Variants in POC1B observed in about 807,000 individuals in gnomAD.
POC1B encodes the protein POC1 centriolar protein homolog B.
In POC1B, 44 loss-of-function variants were observed where a neutral mutation model predicts 60.6. That is an observed-to-expected ratio of 0.73 (90% CI 0.57 to 0.93). The LOEUF is 0.93. Among genes scored for constraint, POC1B ranks in the 40% least tolerant of loss-of-function variants. The pLI, the probability that POC1B is intolerant of heterozygous loss-of-function variation, is 0.00. For synonymous variants in POC1B, 180 were observed against 198.9 expected (o/e 0.90, Z 0.80); for missense variants, 555 against 572.3 (o/e 0.97, Z 0.31).
Position 89,524,488 on chromosome 12 carries a change from G to A in POC1B, c.100+632C>T, listed in dbSNP as rs200087000. The stretch of plus-strand genomic sequence containing the variant: ...GACCAAGAGCTCCACGAAGATATAG[G>A]CCACTGTTAAAAACGCCAGCAGCAG... On this transcript the variant is annotated intron_variant, in intron 2 of 11. Transcript: ENST00000313546. 7.9e-4 allele frequency: 1,278 copies of A among 1,613,240 alleles called. 2 individuals are homozygous for A. Among genetic ancestry groups the A allele is most frequent in the South Asian group, 3.0e-3 (271 of 91,054 alleles).
chr12:89,502,173 T>A, intron 2 of POC1B: 2 of 1,145,532 alleles, frequency 1.7e-6, no homozygotes, highest in Non-Finnish European at 2.6e-6. Flanking sequence ...CCAGGCTCAA[T>A]AATAATTATT....
At chr12:89,516,182 T>C (rs1396844124) in intron 2 of POC1B, among the ~76,000 whole-genome samples, 3 of 152,184 alleles carry the variant, frequency 2.0e-5, no homozygotes, top group Non-Finnish European at 4.4e-5. Flanking sequence ...CTCCTAACCC[T>C]TGGCTTTCAT....
chr12:89,406,601 A>C, the POC1B span, among the ~76,000 whole-genome samples: 2 of 152,096 alleles, frequency 1.3e-5, no homozygotes, highest in African/African-American at 4.8e-5. Context: ...CATTTCCTCA[A>C]AATAAATAAG....
Position 89,507,760 on chromosome 12 carries a change from A to G in POC1B, c.101-10418T>C, listed in dbSNP as rs117249160. On this transcript the variant is annotated intron_variant, in intron 2 of 11. Transcript: ENST00000313546. ...ATGTTTGCTCTTTGTCTGTCACACA[A>G]TGTCCAAATGGCCACCCGTCTTTGT... Among the ~76,000 whole-genome samples, 869 of 152,346 alleles carry G rather than the reference A, an allele frequency of 5.7e-3. 3 individuals carry two copies. Among genetic ancestry groups the G allele is most frequent in the Non-Finnish European group, 8.8e-3 (596 of 68,038 alleles).
intron 10 of POC1B, among the ~76,000 whole-genome samples, chr12:89,456,852 T>C (rs970381261): frequency 3.3e-5 from 5 of 152,206 alleles, no homozygotes; most frequent in Admixed American, 6.5e-5. Context: ...GATCTACAAA[T>C]CTTCCTGAAT....
At chr12:89,429,973 T>G (rs1004355680) in intron 10 of POC1B, among the ~76,000 whole-genome samples, 1 of 152,090 alleles carries the variant, frequency 6.6e-6, no homozygotes, top group Non-Finnish European at 1.5e-5. Context: ...AAAGAACAAG[T>G]CAGACATGGT....
intron 2 of POC1B, among the ~76,000 whole-genome samples, chr12:89,499,225 T>C (rs1869418691): frequency 1.3e-5 from 2 of 152,158 alleles, no homozygotes; most frequent in Admixed American, 6.5e-5. Flanking sequence ...CAATGTGCCA[T>C]TATCCTAAGC....
At chr12:89,419,203 T>C (rs1880427803), downstream of POC1B, among the ~76,000 whole-genome samples, 1 of 151,938 alleles carries the variant, frequency 6.6e-6, no homozygotes, top group Non-Finnish European at 1.5e-5. Context: ...TTTGGACCTA[T>C]CTAGAGATGC....
intron 2 of POC1B, among the ~76,000 whole-genome samples, chr12:89,514,850 T>C (rs10777181): frequency 0.73 from 110,941 of 151,922 alleles, 40,651 homozygotes; most frequent in Middle Eastern, 0.82. Flanking sequence ...CTCTGGTCAT[T>C]AAGCATTGTG....
chr12:89,465,355 G>A (rs1178519312), intron 9 of POC1B, among the ~76,000 whole-genome samples: 2 of 152,126 alleles, frequency 1.3e-5, no homozygotes, highest in African/African-American at 4.8e-5. Flanking sequence ...CCTAATTCAC[G>A]AGGAAAGCAG....
chr12:89,410,536 C>A, the POC1B span, among the ~76,000 whole-genome samples: 2 of 152,062 alleles, frequency 1.3e-5, no homozygotes, highest in Admixed American at 6.6e-5. Context: ...AAACATTAGC[C>A]GGGCATGGTG....
intron 2 of POC1B, among the ~76,000 whole-genome samples, chr12:89,508,311 T>C (rs188496199): frequency 7.9e-5 from 12 of 152,376 alleles, no homozygotes; most frequent in Non-Finnish European, 1.5e-4. Context: ...TTTATTTTGA[T>C]AATTTTAAGC....
At chr12:89,518,825 T>A (rs1016655830) in intron 2 of POC1B, among the ~76,000 whole-genome samples, 2 of 152,210 alleles carry the variant, frequency 1.3e-5, no homozygotes, top group Non-Finnish European at 2.9e-5. Flanking sequence ...TACAAGTATT[T>A]ACAGGAACTT....
intron 10 of POC1B, among the ~76,000 whole-genome samples, chr12:89,452,890 G>C (rs1882111990): frequency 6.6e-6 from 1 of 151,782 alleles, no homozygotes; most frequent in African/African-American, 2.4e-5. Flanking sequence ...TTTTTTAAAA[G>C]GTCAGCCATC....
At chr12:89,501,050 T>C in intron 2 of POC1B, 2 of 1,076,438 alleles carry the variant, frequency 1.9e-6, no homozygotes, top group South Asian at 2.6e-5. Flanking sequence ...CCAGTAGATC[T>C]TGGGATTACT....
intron 5 of POC1B, 50 bp downstream of exon 5, chr12:89,472,118 G>T (rs200707679): frequency 1.7e-6 from 2 of 1,169,668 alleles, no homozygotes; most frequent in Non-Finnish European, 2.5e-6. Flanking sequence ...ATAATCAAAC[G>T]TCTCCTTAGA....
intron 1 of POC1B, chr12:89,525,563 T>TTAA: frequency 7.8e-7 from 1 of 1,290,096 alleles, no homozygotes; most frequent in Non-Finnish European, 9.8e-7. Context: ...TTTTTTTTTT[T>TTAA]TAATACTTCC....
At chr12:89,402,042 A>G in the POC1B span, among the ~76,000 whole-genome samples, 1 of 152,202 alleles carries the variant, frequency 6.6e-6, no homozygotes, top group East Asian at 1.9e-4. Flanking sequence ...GAGAGATTCT[A>G]GTGCTCAGAG....
intron 2 of POC1B, chr12:89,524,844 T>TTCCCACTCACTCC: frequency 1.6e-6 from 1 of 609,998 alleles, no homozygotes; most frequent in Non-Finnish European, 2.9e-6. Flanking sequence ...ACCCCTCCCC[T>TTCCCACTCACTCC]TCCCACTCAC....
Sources: gnomAD v4.1 joint callset for allele counts (sites outside exome capture counted in the v4.1 genomes callset) on GRCh38, gnomAD v4.1.1 for gene constraint, MANE v1.5 for transcripts, NCBI Gene and HGNC (gene_info 2026-07-23, HGNC 2026-07-21) for gene names.